Variants in OPCML observed in about 807,000 individuals in gnomAD.
The protein encoded by OPCML is opioid binding protein/cell adhesion molecule like.
In OPCML, 13 loss-of-function variants were observed where a neutral mutation model predicts 37.8. The observed-to-expected ratio is 0.34, with a 90% confidence interval of 0.22 to 0.55. OPCML has a LOEUF of 0.55. OPCML is among the 20% of genes least tolerant of loss of function. The probability of loss-of-function intolerance (pLI) is 0.91; values close to 1 mark genes in which losing one functional copy is unlikely to be tolerated. For synonymous variants in OPCML, 176 were observed against 168.8 expected (o/e 1.04, Z -0.33); for missense variants, 341 against 435.6 (o/e 0.78, Z 1.93).
chr11:132,533,158 G>A (rs1375779479), intron 3 of OPCML, among the ~76,000 whole-genome samples: 1 of 152,198 alleles, frequency 6.6e-6, no homozygotes, highest in Non-Finnish European at 1.5e-5. Flanking sequence ...GTAGCACAGT[G>A]TGTTATCTGT....
At chr11:132,803,138 C>T (rs536461611) in intron 2 of OPCML, among the ~76,000 whole-genome samples, 1 of 152,158 alleles carries the variant, frequency 6.6e-6, no homozygotes, top group African/African-American at 2.4e-5. Context: ...CTGACCTAAG[C>T]AAATGCATTA....
intron 1 of OPCML, among the ~76,000 whole-genome samples, chr11:133,200,857 A>G (rs1938750076): frequency 6.6e-6 from 1 of 152,220 alleles, no homozygotes; most frequent in Non-Finnish European, 1.5e-5. Flanking sequence ...ACTATTCACA[A>G]TAGCAAAGAC....
intron 1 of OPCML, among the ~76,000 whole-genome samples, chr11:133,388,784 C>A (rs562856684): frequency 1.3e-5 from 2 of 152,230 alleles, no homozygotes; most frequent in Non-Finnish European, 2.9e-5. Context: ...TAGCTTTTAA[C>A]CCAGGTTATG....
At chr11:132,644,328 G>A (rs989305386) in intron 3 of OPCML, among the ~76,000 whole-genome samples, 1 of 152,106 alleles carries the variant, frequency 6.6e-6, no homozygotes, top group Non-Finnish European at 1.5e-5. Flanking sequence ...CAATCAGAGG[G>A]AACTCCTTCT....
chr11:132,460,394 T>C (rs949767180), intron 4 of OPCML, among the ~76,000 whole-genome samples: 5 of 152,176 alleles, frequency 3.3e-5, no homozygotes, highest in African/African-American at 1.2e-4. Context: ...TGAAAACAGC[T>C]TTGACCTCAC....
intron 1 of OPCML, among the ~76,000 whole-genome samples, chr11:133,333,970 G>C (rs548723483): frequency 6.6e-6 from 1 of 152,172 alleles, no homozygotes; most frequent in Non-Finnish European, 1.5e-5. Context: ...CAGAATGGCT[G>C]TTTATAATAA....
intron 1 of OPCML, among the ~76,000 whole-genome samples, chr11:133,184,275 G>T (rs1047617166): frequency 6.6e-6 from 1 of 152,158 alleles, no homozygotes; most frequent in Non-Finnish European, 1.5e-5. Flanking sequence ...TGGGAAAAAA[G>T]GTAACTGCTG....
chr11:132,571,937 T>A (rs1392483288), intron 3 of OPCML, among the ~76,000 whole-genome samples: 1 of 152,158 alleles, frequency 6.6e-6, no homozygotes, highest in Non-Finnish European at 1.5e-5. Flanking sequence ...ATATTTATTT[T>A]AAAAAAATTG....
chr11:132,561,526 G>C (rs764952244), intron 3 of OPCML, among the ~76,000 whole-genome samples: 2 of 152,194 alleles, frequency 1.3e-5, no homozygotes, highest in Non-Finnish European at 1.5e-5. Flanking sequence ...TTCAGGGCCT[G>C]GTCCAGGGCC....
intron 2 of OPCML, among the ~76,000 whole-genome samples, chr11:132,712,462 A>T (rs1944307323): frequency 6.6e-6 from 1 of 152,146 alleles, no homozygotes. Flanking sequence ...TTTGGTTGCG[A>T]TAGTGTCTGA....
chr11:133,169,566 A>C (rs1358234074), intron 1 of OPCML, among the ~76,000 whole-genome samples: 1 of 152,202 alleles, frequency 6.6e-6, no homozygotes, highest in Non-Finnish European at 1.5e-5. Flanking sequence ...TTAAATACAC[A>C]TATGTATTAG....
At chr11:133,509,888 G>A (rs966603679) in intron 1 of OPCML, among the ~76,000 whole-genome samples, 1 of 152,100 alleles carries the variant, frequency 6.6e-6, no homozygotes, top group Middle Eastern at 3.2e-3. Context: ...CCACCTCTGG[G>A]GTGTCTCTTC....
At chr11:132,645,426 A>G (rs1941096484) in intron 3 of OPCML, among the ~76,000 whole-genome samples, 1 of 152,192 alleles carries the variant, frequency 6.6e-6, no homozygotes, top group African/African-American at 2.4e-5. Context: ...TATTTAAGAC[A>G]TTTTGCTATT....
intron 1 of OPCML, among the ~76,000 whole-genome samples, chr11:133,296,903 A>G (rs58222239): frequency 0.049 from 7,435 of 152,278 alleles, 199 homozygotes; most frequent in Middle Eastern, 0.071. Context: ...GAGGTAAAAT[A>G]ATAGTTTTTT....
intron 2 of OPCML, among the ~76,000 whole-genome samples, chr11:132,718,326 C>T (rs1020394450): frequency 1.3e-5 from 2 of 151,840 alleles, no homozygotes; most frequent in Admixed American, 1.3e-4. Flanking sequence ...TGAGTTCTTT[C>T]GAGAAAAAGA....
chr11:132,897,744 GCT>G (rs1412575643), intron 2 of OPCML, among the ~76,000 whole-genome samples: 1 of 152,190 alleles, frequency 6.6e-6, no homozygotes, highest in Non-Finnish European at 1.5e-5. Flanking sequence ...TGTGCACTTT[GCT>G]TAGAGGAAAA....
intron 2 of OPCML, among the ~76,000 whole-genome samples, chr11:132,833,136 T>C (rs1459386640): frequency 7.5e-6 from 1 of 133,524 alleles, no homozygotes; most frequent in African/African-American, 2.6e-5. Context: ...TATGTAACTT[T>C]TAAAATATAT....
intron 1 of OPCML, among the ~76,000 whole-genome samples, chr11:133,318,785 T>G (rs972533875): frequency 6.6e-5 from 10 of 152,086 alleles, no homozygotes; most frequent in African/African-American, 2.4e-4. Flanking sequence ...GCCTGTAATC[T>G]CAGCACTTTG....
intron 6 of OPCML, 31 bp from the exon 7 acceptor site, chr11:132,436,268 A>G (rs1240522946): frequency 3.1e-6 from 5 of 1,613,876 alleles, no homozygotes; most frequent in Admixed American, 1.7e-5. Flanking sequence ...CTATCAATTC[A>G]TTCTACAAAG....
Sources: allele counts gnomAD v4.1 joint callset (sites outside exome capture counted in the v4.1 genomes callset), GRCh38; gene constraint gnomAD v4.1.1; transcripts MANE v1.5; gene names NCBI Gene and HGNC (gene_info 2026-07-23, HGNC 2026-07-21).